The following CCSER1 variants were observed in gnomAD, a reference collection of about 807,000 sequenced individuals.
CCSER1 encodes the protein serine-rich coiled-coil domain-containing protein 1.
In CCSER1, 41 loss-of-function variants were observed where a neutral mutation model predicts 82.0. The observed-to-expected ratio is 0.50, with a 90% CI of 0.39 to 0.65. CCSER1 has a LOEUF of 0.65. Among genes scored for constraint, CCSER1 ranks in the 30% least tolerant of loss-of-function variants. The pLI, the probability that CCSER1 is intolerant of heterozygous loss-of-function variation, is 0.00. For synonymous variants in CCSER1, 414 were observed against 383.9 expected, an observed-to-expected ratio of 1.08 and a Z score of -0.92; for missense variants, 1,119 against 1,064.2, an observed-to-expected ratio of 1.05 and a Z score of -0.72.
intron 10 of CCSER1, among the ~76,000 whole-genome samples, chr4:91,294,788 C>A (rs763819304): frequency 5.3e-5 from 8 of 151,868 alleles, no homozygotes; most frequent in Non-Finnish European, 1.0e-4. Context: ...ATCTAAACAT[C>A]CTTAGCCTAA....
chr4:90,753,032 T>A (rs968076757), intron 7 of CCSER1, among the ~76,000 whole-genome samples: 3 of 152,100 alleles, frequency 2.0e-5, no homozygotes, highest in African/African-American at 7.2e-5. Context: ...AAAGGCAGAT[T>A]AACAAGAGAA....
intron 8 of CCSER1, among the ~76,000 whole-genome samples, chr4:90,825,966 A>G (rs1390772708): frequency 6.6e-6 from 1 of 152,136 alleles, no homozygotes; most frequent in Non-Finnish European, 1.5e-5. Flanking sequence ...CTGGGATTAC[A>G]GGCCTGAGTC....
In CCSER1 at chr4:90,623,761, C is replaced by T. The variant is rs143448609; in HGVS notation, c.1725-4264C>T. 2.4e-3 allele frequency among the ~76,000 whole-genome samples: 361 copies of T among 152,270 alleles called. 3 individuals carry two copies. Among genetic ancestry groups the T allele is most frequent in the Non-Finnish European group, 4.2e-3 (285 of 68,006 alleles). ...ATACAAGTGTTTTCCTAAAATAACA[C>T]TCTCAGACAGACAATATATTTGGAA... On this transcript the variant is annotated intron_variant, in intron 5 of 10. Transcript: ENST00000509176.
At chr4:90,933,623 T>C (rs1730553829) in intron 9 of CCSER1, among the ~76,000 whole-genome samples, 1 of 152,048 alleles carries the variant, frequency 6.6e-6, no homozygotes, top group South Asian at 2.1e-4. Context: ...TAAAAAGAAT[T>C]TATGTAATTC....
intron 9 of CCSER1, among the ~76,000 whole-genome samples, chr4:91,019,439 T>C (rs1739725941): frequency 6.6e-6 from 1 of 152,118 alleles, no homozygotes; most frequent in African/African-American, 2.4e-5. Context: ...ACTGCTTGAG[T>C]TTTTTATTAA....
At chr4:90,373,668 A>G (rs1377926647) in intron 3 of CCSER1, among the ~76,000 whole-genome samples, 1 of 152,180 alleles carries the variant, frequency 6.6e-6, no homozygotes, top group Non-Finnish European at 1.5e-5. Flanking sequence ...TTTTGGGGGA[A>G]CATTCTAGGT....
intron 5 of CCSER1, among the ~76,000 whole-genome samples, chr4:90,508,210 G>A (rs959208481): frequency 6.6e-6 from 1 of 151,850 alleles, no homozygotes; most frequent in Non-Finnish European, 1.5e-5. Flanking sequence ...AGTTACGTTG[G>A]GTATACAGTG....
At chr4:90,815,219 G>T (rs1758842621) in intron 7 of CCSER1, among the ~76,000 whole-genome samples, 1 of 151,970 alleles carries the variant, frequency 6.6e-6, no homozygotes, top group Non-Finnish European at 1.5e-5. Context: ...GATCTCATGA[G>T]AACTTTCTCA....
At chr4:91,315,734 A>T (rs1316014260) in intron 10 of CCSER1, among the ~76,000 whole-genome samples, 1 of 152,006 alleles carries the variant, frequency 6.6e-6, no homozygotes, top group Non-Finnish European at 1.5e-5. Context: ...AGGCAATTTC[A>T]ATTATTTACA....
At chr4:90,231,975 A>T (rs949478869) in intron 1 of CCSER1, among the ~76,000 whole-genome samples, 40 of 151,932 alleles carry the variant, frequency 2.6e-4, no homozygotes, top group Admixed American at 7.2e-4. Context: ...ATAAAAGAGG[A>T]TACAAACAAA....
At chr4:90,836,702 T>G (rs1329871109) in intron 8 of CCSER1, among the ~76,000 whole-genome samples, 1 of 152,102 alleles carries the variant, frequency 6.6e-6, no homozygotes, top group Non-Finnish European at 1.5e-5. Flanking sequence ...CTGGACTGGG[T>G]GGAGTCTTGG....
chr4:90,657,773 A>G (rs937235195), intron 6 of CCSER1, among the ~76,000 whole-genome samples: 3 of 152,186 alleles, frequency 2.0e-5, no homozygotes, highest in Non-Finnish European at 4.4e-5. Context: ...AATTTCTTGA[A>G]CACATTAATT....
intron 8 of CCSER1, among the ~76,000 whole-genome samples, chr4:90,878,074 TC>T (rs1720621863): frequency 6.6e-6 from 1 of 152,150 alleles, no homozygotes; most frequent in Non-Finnish European, 1.5e-5. Context: ...TTTGCTATCA[TC>T]CTAGAAAATC....
intron 9 of CCSER1, among the ~76,000 whole-genome samples, chr4:90,982,672 A>G (rs1157599098): frequency 6.6e-6 from 1 of 151,790 alleles, no homozygotes. Flanking sequence ...ATTACCACAC[A>G]CTAATATCAA....
At chr4:90,393,875 C>T (rs116796591) in intron 3 of CCSER1, among the ~76,000 whole-genome samples, 2,022 of 145,178 alleles carry the variant, frequency 0.014, 24 homozygotes, top group Non-Finnish European at 0.02. Context: ...AAGTCCTGGG[C>T]TCAAGCAGAC....
chr4:90,141,453 A>G (rs1176124192), intron 1 of CCSER1, among the ~76,000 whole-genome samples: 1 of 152,246 alleles, frequency 6.6e-6, no homozygotes, highest in Non-Finnish European at 1.5e-5. Context: ...ATAATATGTT[A>G]GTGTATACAT....
chr4:90,631,452 T>C (rs773032908), intron 6 of CCSER1, among the ~76,000 whole-genome samples: 5 of 152,198 alleles, frequency 3.3e-5, no homozygotes, highest in Non-Finnish European at 7.4e-5. Context: ...AGTTATCCTT[T>C]GTTGTTTTTG....
intron 6 of CCSER1, among the ~76,000 whole-genome samples, chr4:90,697,555 A>G: frequency 6.6e-6 from 1 of 152,094 alleles, no homozygotes; most frequent in Non-Finnish European, 1.5e-5. Context: ...ACCTACTTTT[A>G]TTGAGACACT....
intron 2 of CCSER1, among the ~76,000 whole-genome samples, chr4:90,312,202 C>T (rs1735407005): frequency 1.3e-5 from 2 of 151,986 alleles, no homozygotes; most frequent in African/African-American, 2.4e-5. Flanking sequence ...TGGAGCATGC[C>T]AGTGATGTAC....
Sources: gnomAD v4.1 joint callset for allele counts (sites outside exome capture counted in the v4.1 genomes callset) on GRCh38, gnomAD v4.1.1 for gene constraint, MANE v1.5 for transcripts, NCBI Gene and HGNC (gene_info 2026-07-23, HGNC 2026-07-21) for gene names.